Variants in YWHAE observed in about 807,000 individuals in gnomAD.
The protein encoded by YWHAE is 14-3-3 protein epsilon.
Under a neutral mutation model 30.1 loss-of-function variants are expected in YWHAE, and 4 were observed. That is an observed-to-expected ratio of 0.13 (90% CI 0.07 to 0.30). YWHAE has a LOEUF of 0.30. YWHAE is among the 10% of genes least tolerant of loss of function. YWHAE has a pLI of 1.00. For synonymous variants in YWHAE, 118 were observed against 111.8 expected, an observed-to-expected ratio of 1.06 and a Z score of -0.35; for missense variants, 121 against 315.9, an observed-to-expected ratio of 0.38 and a Z score of 4.68.
At chr17:1,386,253 A>G (rs1251881723) in intron 1 of YWHAE, among the ~76,000 whole-genome samples, 1 of 152,206 alleles carries the variant, frequency 6.6e-6, no homozygotes, top group East Asian at 1.9e-4. Flanking sequence ...GTGAAGAAAC[A>G]CTGAGCTTTC....
At chr17:1,347,497 A>G (rs60101766) in intron 5 of YWHAE, among the ~76,000 whole-genome samples, 1 of 152,312 alleles carries the variant, frequency 6.6e-6, no homozygotes, top group East Asian at 1.9e-4. Context: ...AAATGTATAA[A>G]ATTTTAAAAC....
intron 5 of YWHAE, among the ~76,000 whole-genome samples, chr17:1,353,644 C>A (rs2072678599): frequency 1.3e-5 from 2 of 151,554 alleles, no homozygotes; most frequent in Admixed American, 6.6e-5. Flanking sequence ...GTGCCTGCAA[C>A]CCCAGCTACC....
intron 1 of YWHAE, among the ~76,000 whole-genome samples, chr17:1,381,984 C>T (rs960194281): frequency 6.8e-6 from 1 of 146,400 alleles, no homozygotes; most frequent in South Asian, 2.1e-4. Context: ...GGCACTGGAG[C>T]AAAGAAAAAG....
At chr17:1,353,335 G>A (rs2072669016) in intron 5 of YWHAE, among the ~76,000 whole-genome samples, 1 of 150,834 alleles carries the variant, frequency 6.6e-6, no homozygotes. Context: ...CTACTCGGGA[G>A]ACTGAGGTGG....
chr17:1,396,899 G>A (rs1047279374), intron 1 of YWHAE, among the ~76,000 whole-genome samples: 1 of 150,358 alleles, frequency 6.7e-6, no homozygotes, highest in Non-Finnish European at 1.5e-5. Context: ...TGGGATTACA[G>A]GCATGAGCCA....
chr17:1,355,317 C>T (rs529799857), intron 4 of YWHAE, among the ~76,000 whole-genome samples: 1 of 150,614 alleles, frequency 6.6e-6, no homozygotes, highest in South Asian at 2.1e-4. Flanking sequence ...CCACCACACC[C>T]GGCTGATTTG....
At chr17:1,360,148 G>A in intron 4 of YWHAE, among the ~76,000 whole-genome samples, 1 of 152,084 alleles carries the variant, frequency 6.6e-6, no homozygotes, top group Non-Finnish European at 1.5e-5. Flanking sequence ...TTTTAATAGA[G>A]ACAGAGTTTC....
intron 1 of YWHAE, chr17:1,399,726 A>G (rs1360098599): frequency 4.0e-6 from 2 of 497,450 alleles, no homozygotes; most frequent in Admixed American, 6.8e-5. Context: ...GTTCGGAGAC[A>G]GCACCCGCCA....
chr17:1,393,899 A>G (rs2073425305), intron 1 of YWHAE, among the ~76,000 whole-genome samples: 1 of 152,154 alleles, frequency 6.6e-6, no homozygotes, highest in Non-Finnish European at 1.5e-5. Context: ...TTTATCTCTG[A>G]AAAAAACCAT....
rs563586904 is a variant in YWHAE, at chr17:1,344,831, T to C, written c.*616A>G. 7.5e-4 allele frequency: 174 copies of C among 232,970 alleles called. 1 individual carries two copies. Among genetic ancestry groups the C allele is most frequent in the South Asian group, 1.6e-3 (9 of 5,516 alleles). The allele number at this position is 232,970 out of a possible 1,614,324, so 14.4% of individuals were successfully genotyped here. A position where few individuals can be genotyped will look rare whatever the true frequency, so the allele number is the denominator to read the frequency against. ...AACCTGCTTCAGTGGGAGAGTAAAG[T>C]AGGCAAGAATGAGCAGCCACGGATT... On this transcript the variant is annotated 3_prime_UTR_variant, in exon 6 of 6. Coordinates refer to ENST00000264335, the MANE Select transcript of YWHAE (RefSeq NM_006761.5).
At chr17:1,351,952 A>ATT (rs11379881) in intron 5 of YWHAE, 3,723 of 146,014 alleles carry the variant, frequency 0.025, 97 homozygotes, top group African/African-American at 0.075. Context: ...TGCACCCGGC[A>ATT]TTTTTTTTTT....
At chr17:1,373,469 T>A (rs1007126427) in intron 1 of YWHAE, among the ~76,000 whole-genome samples, 1 of 150,916 alleles carries the variant, frequency 6.6e-6, no homozygotes, top group African/African-American at 2.4e-5. Flanking sequence ...ATGGAGACCA[T>A]CCTGGCTAAC....
At chr17:1,399,901 G>A in intron 1 of YWHAE, 146 bp downstream of exon 1, 1 of 929,878 alleles carries the variant, frequency 1.1e-6, no homozygotes. Context: ...CGCCCCGGGA[G>A]CTCCCAGGCC....
intron 1 of YWHAE, chr17:1,369,786 G>A (rs1479369918): frequency 6.6e-6 from 1 of 152,146 alleles, no homozygotes; most frequent in Non-Finnish European, 1.5e-5. Flanking sequence ...ATGAATTTTT[G>A]TGTTTCCCAG....
intron 5 of YWHAE, among the ~76,000 whole-genome samples, chr17:1,346,473 G>T (rs1279908002): frequency 6.6e-6 from 1 of 152,174 alleles, no homozygotes; most frequent in East Asian, 1.9e-4. Flanking sequence ...TATTTAATTA[G>T]GATGGACAAA....
intron 1 of YWHAE, among the ~76,000 whole-genome samples, chr17:1,380,764 ATTCTTACATCTCATATAT>A (rs1333409811): frequency 6.6e-6 from 1 of 152,136 alleles, no homozygotes; most frequent in Non-Finnish European, 1.5e-5. Flanking sequence ...CAGACTTTCC[ATTCTTACATCTCATATAT>A]TTAATCCCAT....
chr17:1,369,961 T>C (rs765097920), intron 1 of YWHAE, among the ~76,000 whole-genome samples: 10 of 152,098 alleles, frequency 6.6e-5, no homozygotes, highest in Non-Finnish European at 8.8e-5. Flanking sequence ...GTTTTTGCCT[T>C]GATGTTGATG....
intron 1 of YWHAE, among the ~76,000 whole-genome samples, chr17:1,378,388 A>C (rs1488766232): frequency 1.3e-5 from 2 of 152,252 alleles, no homozygotes; most frequent in Non-Finnish European, 2.9e-5. Context: ...AAACATAGTC[A>C]ATTCACAGAT....
At chr17:1,366,026 G>A (rs1205301730) in intron 1 of YWHAE, among the ~76,000 whole-genome samples, 1 of 152,036 alleles carries the variant, frequency 6.6e-6, no homozygotes, top group Non-Finnish European at 1.5e-5. Flanking sequence ...GACTATCCTG[G>A]CCAACATGGT....
Sources: allele counts gnomAD v4.1 joint callset (sites outside exome capture counted in the v4.1 genomes callset), GRCh38; gene constraint gnomAD v4.1.1; transcripts MANE v1.5; gene names NCBI Gene and HGNC (gene_info 2026-07-23, HGNC 2026-07-21).